The following PCDH15 variants were observed in gnomAD, a reference collection of about 807,000 sequenced individuals.
The protein encoded by PCDH15 is protocadherin-15.
In PCDH15, 129 loss-of-function variants were observed where a neutral mutation model predicts 178.5. That is an observed-to-expected ratio of 0.72 (90% CI 0.63 to 0.84). The LOEUF is 0.84. PCDH15 is among the 40% of genes least tolerant of loss of function. The pLI, the probability that PCDH15 is intolerant of heterozygous loss-of-function variation, is 0.00. For synonymous variants in PCDH15, 800 were observed against 732.0 expected, an observed-to-expected ratio of 1.09 and a Z score of -1.50; for missense variants, 2,230 against 2,099.9, an observed-to-expected ratio of 1.06 and a Z score of -1.21.
At chr10:55,236,726 A>G (rs1165000720) in intron 1 of PCDH15, among the ~76,000 whole-genome samples, 1 of 152,052 alleles carries the variant, frequency 6.6e-6, no homozygotes, top group Admixed American at 6.5e-5. Flanking sequence ...ATGAATCAAA[A>G]CTATACATAT....
At chr10:55,208,004 C>T (rs1399269134) in intron 1 of PCDH15, among the ~76,000 whole-genome samples, 2 of 151,980 alleles carry the variant, frequency 1.3e-5, no homozygotes, top group East Asian at 1.9e-4. Flanking sequence ...TTAATAGATA[C>T]AGATATATAT....
At chr10:54,286,688 C>T (rs564021661) in intron 8 of PCDH15, among the ~76,000 whole-genome samples, 22 of 152,236 alleles carry the variant, frequency 1.4e-4, no homozygotes, top group Non-Finnish European at 2.4e-4. Context: ...TGCGGTAGCA[C>T]GATCTCAGCT....
intron 3 of PCDH15, among the ~76,000 whole-genome samples, chr10:54,487,753 T>G (rs1020242088): frequency 4.6e-5 from 7 of 152,014 alleles, no homozygotes; most frequent in African/African-American, 1.4e-4. Context: ...CTTAAAGTCA[T>G]AGTCAAAAGT....
chr10:54,129,289 C>A (rs75554505), intron 15 of PCDH15, among the ~76,000 whole-genome samples: 4,109 of 152,132 alleles, frequency 0.027, 189 homozygotes, highest in African/African-American at 0.093. Flanking sequence ...AATAAACGAT[C>A]AATACATATT....
rs191824540 is a variant in PCDH15, at chr10:54,986,460, C to T, written c.-79-88960G>A. On this transcript the variant is annotated intron_variant, in intron 2 of 5. Transcript: ENST00000458638. ...TTCTCTACTGAATTTTCCCACTAGA[C>T]ATAACTCTGAAAATTCAAAATAAAT... Among the ~76,000 whole-genome samples, 349 of 152,238 alleles carry T rather than the reference C, an allele frequency of 2.3e-3. 3 individuals carry two copies. The Middle Eastern group carries it at 0.031, about 13-fold the overall frequency.
At position 55,449,429 on chromosome 10, in the gene PCDH15, T is replaced by TAC. The variant is rs1439147666; in HGVS notation, c.-156+178194_-156+178195dup. Among the ~76,000 whole-genome samples the TAC allele has an allele frequency of 5.9e-5, 9 of 151,818 alleles. 1 individual carries two copies. Among genetic ancestry groups the TAC allele is most frequent in the Admixed American group, 5.9e-4 (9 of 15,220 alleles). ...ACAACAGGCAATAAAATACAAAGAGTACACCTACAATGCAGTGTCTATCCA... is the reference window on the plus strand; with the variant it reads ...ACAACAGGCAATAAAATACAAAGAGTACACACCTACAATGCAGTGTCTATCCA... On this transcript the variant is annotated intron_variant, in intron 2 of 5. Coordinates refer to the PCDH15 transcript ENST00000613346.
intron 1 of PCDH15, among the ~76,000 whole-genome samples, chr10:55,207,918 G>A (rs115577052): frequency 0.01 from 1,591 of 152,178 alleles, 47 homozygotes; most frequent in African/African-American, 0.036. Flanking sequence ...GCAGTGAGGC[G>A]AGGCTGCACC....
intron 18 of PCDH15, among the ~76,000 whole-genome samples, chr10:54,024,258 C>T (rs1301299542): frequency 6.6e-6 from 1 of 151,862 alleles, no homozygotes; most frequent in Non-Finnish European, 1.5e-5. Flanking sequence ...TTGAAAAGTT[C>T]CATGTAAAAG....
intron 1 of PCDH15, among the ~76,000 whole-genome samples, chr10:55,186,749 G>GTT (rs1839811194): frequency 6.6e-6 from 1 of 151,590 alleles, no homozygotes; most frequent in Non-Finnish European, 1.5e-5. Context: ...TCCTCTGTGT[G>GTT]TGTGTGTGTG....
chr10:55,283,354 C>T (rs1564965913), intron 1 of PCDH15, among the ~76,000 whole-genome samples: 1 of 151,952 alleles, frequency 6.6e-6, no homozygotes, highest in African/African-American at 2.4e-5. Flanking sequence ...CCTTAACCAC[C>T]AAAGTATCCT....
At chr10:54,171,940 G>C (rs566554282) in intron 13 of PCDH15, among the ~76,000 whole-genome samples, 2 of 150,588 alleles carry the variant, frequency 1.3e-5, no homozygotes, top group Non-Finnish European at 3.0e-5. Context: ...CCTGCTTGAA[G>C]CAGCCCTGAG....
chr10:53,906,440 G>A (rs2082687069), intron 25 of PCDH15, among the ~76,000 whole-genome samples: 1 of 152,056 alleles, frequency 6.6e-6, no homozygotes, highest in Non-Finnish European at 1.5e-5. Context: ...GATGGAAATT[G>A]TATCTCCTAC....
intron 3 of PCDH15, among the ~76,000 whole-genome samples, chr10:54,524,812 T>A (rs1030844686): frequency 2.0e-5 from 3 of 152,196 alleles, no homozygotes; most frequent in African/African-American, 7.2e-5. Context: ...TTTGCCCCTT[T>A]ACAACGTAAG....
At chr10:54,406,123 T>C (rs1231160144) in intron 3 of PCDH15, among the ~76,000 whole-genome samples, 1 of 152,124 alleles carries the variant, frequency 6.6e-6, no homozygotes, top group East Asian at 1.9e-4. Flanking sequence ...GTATTGTGTG[T>C]GGGCTTATAG....
At chr10:54,337,633 G>T (rs1588901036) in intron 6 of PCDH15, among the ~76,000 whole-genome samples, 1 of 151,994 alleles carries the variant, frequency 6.6e-6, no homozygotes, top group Non-Finnish European at 1.5e-5. Context: ...ACTTCCTTTT[G>T]CCCCCTATGC....
intron 21 of PCDH15, among the ~76,000 whole-genome samples, chr10:53,972,514 G>A (rs2089809135): frequency 6.6e-6 from 1 of 151,994 alleles, no homozygotes; most frequent in South Asian, 2.1e-4. Context: ...CTACAGAATG[G>A]GAGAAAATTT....
intron 29 of PCDH15, among the ~76,000 whole-genome samples, chr10:53,835,084 T>C (rs2077229455): frequency 6.6e-6 from 1 of 152,214 alleles, no homozygotes; most frequent in African/African-American, 2.4e-5. Flanking sequence ...GTTTCATAAC[T>C]GTTTAACTAG....
At chr10:55,414,642 A>G (rs1409062313) in intron 2 of PCDH15, among the ~76,000 whole-genome samples, 2 of 151,526 alleles carry the variant, frequency 1.3e-5, no homozygotes, top group African/African-American at 2.4e-5. Context: ...TTTTGATGCT[A>G]TTATGAGATT....
chr10:54,629,704 C>A (rs958851785), intron 2 of PCDH15, among the ~76,000 whole-genome samples: 1 of 152,020 alleles, frequency 6.6e-6, no homozygotes, highest in Non-Finnish European at 1.5e-5. Context: ...CCACTTTCAC[C>A]ATTCCTATTC....
Sources: gnomAD v4.1 joint callset for allele counts (sites outside exome capture counted in the v4.1 genomes callset) on GRCh38, gnomAD v4.1.1 for gene constraint, MANE v1.5 for transcripts, NCBI Gene and HGNC (gene_info 2026-07-23, HGNC 2026-07-21) for gene names.